ERBB4: variants seen among roughly 807,000 people sequenced by gnomAD.
ERBB4 encodes receptor tyrosine-protein kinase erbB-4.
In ERBB4, 42 loss-of-function variants were observed where a neutral mutation model predicts 158.0. The ratio of observed to expected loss-of-function variants is 0.27; its 90% confidence interval spans 0.21 to 0.34. The LOEUF (loss-of-function observed/expected upper bound fraction) is 0.34. Among genes scored for constraint, ERBB4 ranks in the 10% least tolerant of loss-of-function variants. ERBB4 has a pLI of 1.00. For missense variants in ERBB4, 1,333 were observed against 1,624.1 expected (o/e 0.82, Z 3.08); for synonymous variants, 583 against 558.7 (o/e 1.04, Z -0.61).
At chr2:212,488,628 G>C (rs1334802416) in intron 1 of ERBB4, among the ~76,000 whole-genome samples, 7 of 151,836 alleles carry the variant, frequency 4.6e-5, no homozygotes, top group Admixed American at 2.0e-4. Context: ...AAATTTATTA[G>C]AATGTTACCA....
chr2:212,051,195 T>C (rs1028071323), intron 2 of ERBB4, among the ~76,000 whole-genome samples: 1 of 152,172 alleles, frequency 6.6e-6, no homozygotes, highest in Non-Finnish European at 1.5e-5. Flanking sequence ...TATCAGAGTC[T>C]GGCATTTTAT....
At chr2:212,320,808 G>T (rs1447144917) in intron 1 of ERBB4, among the ~76,000 whole-genome samples, 5 of 150,310 alleles carry the variant, frequency 3.3e-5, no homozygotes, top group Admixed American at 6.6e-5. Context: ...TCCCCGTGTT[G>T]TTGTGAGAAT....
intron 20 of ERBB4, among the ~76,000 whole-genome samples, chr2:211,492,201 T>C (rs1287613136): frequency 6.6e-6 from 1 of 152,074 alleles, no homozygotes; most frequent in East Asian, 1.9e-4. Flanking sequence ...TCAGTGAAAA[T>C]ATTGGCAGTG....
chr2:211,705,684 C>A (rs1161922923), intron 9 of ERBB4, among the ~76,000 whole-genome samples: 4 of 152,036 alleles, frequency 2.6e-5, no homozygotes, highest in African/African-American at 7.2e-5. Context: ...ATGTATGAAC[C>A]ATTTTACATT....
rs200297584 is a variant in ERBB4, at chr2:211,453,764, T to C, written c.2488-22664A>G. Among the ~76,000 whole-genome samples, 5 of 152,236 alleles carry C rather than the reference T, an allele frequency of 3.3e-5. No homozygotes were observed. The East Asian group carries it at 9.6e-4, about 29-fold the overall frequency. Reference sequence around the variant, plus strand: ...TAGATCAGGCTGACATTAAAAAACGTGTCTATGGAATCTAAACAATAGATT... The same window carrying C: ...TAGATCAGGCTGACATTAAAAAACGCGTCTATGGAATCTAAACAATAGATT... On this transcript the variant is annotated intron_variant, in intron 20 of 27. Coordinates refer to ENST00000342788, the MANE Select transcript of ERBB4 (RefSeq NM_005235.3).
intron 2 of ERBB4, among the ~76,000 whole-genome samples, chr2:212,095,691 G>A (rs2078907702): frequency 6.6e-6 from 1 of 152,132 alleles, no homozygotes; most frequent in Non-Finnish European, 1.5e-5. Flanking sequence ...CCAGCACTTT[G>A]GGAGGCCGAG....
chr2:211,605,956 G>C (rs73078782), intron 19 of ERBB4, among the ~76,000 whole-genome samples: 8,585 of 151,862 alleles, frequency 0.057, 518 homozygotes, highest in African/African-American at 0.15. Flanking sequence ...TACCTAAGAG[G>C]TCTCCTAATT....
intron 19 of ERBB4, among the ~76,000 whole-genome samples, chr2:211,570,004 A>G (rs2067666457): frequency 6.6e-6 from 1 of 152,150 alleles, no homozygotes; most frequent in South Asian, 2.1e-4. Flanking sequence ...TCTTTGGCTG[A>G]AGGTAAATGC....
intron 1 of ERBB4, among the ~76,000 whole-genome samples, chr2:212,487,896 A>T (rs1207011552): frequency 2.0e-5 from 3 of 152,142 alleles, no homozygotes; most frequent in Non-Finnish European, 2.9e-5. Flanking sequence ...TGCTCCACTT[A>T]CTTTCTAGCT....
At chr2:211,862,557 G>GCA (rs2078088523) in intron 3 of ERBB4, among the ~76,000 whole-genome samples, 1 of 151,850 alleles carries the variant, frequency 6.6e-6, no homozygotes, top group African/African-American at 2.4e-5. Flanking sequence ...TCTTGTCATT[G>GCA]CAATCACTGA....
intron 19 of ERBB4, among the ~76,000 whole-genome samples, chr2:211,608,380 T>C (rs1458268957): frequency 6.6e-6 from 1 of 152,146 alleles, no homozygotes; most frequent in Non-Finnish European, 1.5e-5. Context: ...AGTAATGGTA[T>C]GAGAAGCCAG....
intron 4 of ERBB4, among the ~76,000 whole-genome samples, chr2:211,755,264 G>A (rs2075263725): frequency 6.6e-6 from 1 of 152,302 alleles, no homozygotes; most frequent in East Asian, 1.9e-4. Context: ...CACTTTGGGA[G>A]GCCAAGGTGG....
At chr2:212,219,465 T>C (rs2105948567) in intron 1 of ERBB4, among the ~76,000 whole-genome samples, 1 of 151,512 alleles carries the variant, frequency 6.6e-6, no homozygotes, top group South Asian at 2.1e-4. Flanking sequence ...AATAATAAGA[T>C]TTTTAAAGCA....
At chr2:212,145,159 T>A (rs1008272877) in intron 1 of ERBB4, among the ~76,000 whole-genome samples, 9 of 152,104 alleles carry the variant, frequency 5.9e-5, no homozygotes, top group African/African-American at 2.2e-4. Context: ...AGTTTAAAAA[T>A]TGTAGTTAAA....
In ERBB4 at chr2:211,946,307, A is replaced by G. The variant is rs146861444; in HGVS notation, c.421+1123T>C. Among the ~76,000 whole-genome samples, 325 of 152,188 alleles carry G rather than the reference A, an allele frequency of 2.1e-3. 4 individuals carry two copies. The highest frequency in any genetic ancestry group is 7.4e-3 in the African/African-American group (309 of 41,576). ...AAAGCTATGTCTAACTTAAAACTAGAAATTTAATATCCACTTCAAATATAA... is the reference window on the plus strand; with the variant it reads ...AAAGCTATGTCTAACTTAAAACTAGGAATTTAATATCCACTTCAAATATAA... On this transcript the variant is annotated intron_variant, in intron 3 of 27. Coordinates refer to ENST00000342788, the MANE Select transcript of ERBB4 (RefSeq NM_005235.3).
chr2:211,896,551 C>A (rs1267550080), intron 3 of ERBB4, among the ~76,000 whole-genome samples: 2 of 152,072 alleles, frequency 1.3e-5, no homozygotes, highest in Non-Finnish European at 2.9e-5. Flanking sequence ...TTTATTTCTA[C>A]CTTTTCTTCC....
chr2:211,540,717 T>C (rs1208105878), intron 20 of ERBB4, among the ~76,000 whole-genome samples: 2 of 140,116 alleles, frequency 1.4e-5, no homozygotes, highest in Non-Finnish European at 3.1e-5. Context: ...AAATCCTGAA[T>C]AGGGTCACTA....
At chr2:212,007,121 T>C (rs1386361435) in intron 2 of ERBB4, among the ~76,000 whole-genome samples, 1 of 151,996 alleles carries the variant, frequency 6.6e-6, no homozygotes, top group Non-Finnish European at 1.5e-5. Context: ...CCTTATTTGG[T>C]TATATTATTT....
At chr2:211,764,065 G>C (rs1288739388) in intron 4 of ERBB4, among the ~76,000 whole-genome samples, 1 of 152,172 alleles carries the variant, frequency 6.6e-6, no homozygotes, top group East Asian at 1.9e-4. Context: ...AGGCATTATA[G>C]TAAGTAATAA....
Sources: gnomAD v4.1 joint callset for allele counts (sites outside exome capture counted in the v4.1 genomes callset) on GRCh38, gnomAD v4.1.1 for gene constraint, MANE v1.5 for transcripts, NCBI Gene and HGNC (gene_info 2026-07-23, HGNC 2026-07-21) for gene names.